Variants in FSIP2 observed in about 807,000 individuals in gnomAD.
FSIP2 encodes fibrous sheath interacting protein 2.
A neutral mutation model predicts 510.5 loss-of-function variants in FSIP2; 367 were observed. The observed-to-expected ratio is 0.72, with a 90% CI of 0.66 to 0.78. The LOEUF is 0.78. FSIP2 is among the 30% of genes least tolerant of loss of function. The pLI is 0.00. For synonymous variants in FSIP2, 2,601 were observed against 2,732.2 expected (o/e 0.95, Z 1.50); for missense variants, 7,594 against 7,901.7 (o/e 0.96, Z 1.48).
At chr2:185,739,068 A>T in intron 1 of FSIP2, 75 bp downstream of exon 1, 1 of 1,455,408 alleles carries the variant, frequency 6.9e-7, no homozygotes, top group Non-Finnish European at 9.1e-7. Flanking sequence ...AGGGATCGCC[A>T]CACACGGGTC....
At chr2:185,748,656 A>G (rs1380879381) in intron 7 of FSIP2, among the ~76,000 whole-genome samples, 2 of 152,070 alleles carry the variant, frequency 1.3e-5, no homozygotes, top group African/African-American at 4.8e-5. Flanking sequence ...ATTACTACCC[A>G]AAGAATGTTG....
intron 13 of FSIP2, chr2:185,766,281 C>A (rs1340690244): frequency 4.6e-5 from 7 of 150,916 alleles, no homozygotes; most frequent in African/African-American, 1.5e-4. Flanking sequence ...TCTAAAACAC[C>A]AAAAGCAATG....
rs1415735661 is a variant in FSIP2, at chr2:185,796,085, C to G, written c.8949C>G (p.Gly2983=). 2.6e-6 allele frequency: 4 copies of G among 1,532,796 alleles called. No homozygotes were observed. The South Asian group carries it at 4.8e-5, about 18-fold the overall frequency. 94.9% of individuals were successfully genotyped at this position (1,532,796 alleles called of 1,614,324 possible). ...NTKTKDQISV[G]SSNQIVQEIV... Reference sequence around the variant, plus strand: ...AGACAAAAGACCAAATTTCTGTGGGCTCCAGCAACCAAATTGTTCAAGAGA... The same window carrying G: ...AGACAAAAGACCAAATTTCTGTGGGGTCCAGCAACCAAATTGTTCAAGAGA... The change falls in exon 16 of 23, where the codon GGC becomes GGG. Residue 2983 remains glycine, a synonymous_variant. Transcript: ENST00000424728.
intron 7 of FSIP2, among the ~76,000 whole-genome samples, chr2:185,752,669 A>G (rs886472398): frequency 1.3e-5 from 2 of 151,110 alleles, no homozygotes; most frequent in African/African-American, 4.8e-5. Flanking sequence ...TTGCTTTTGG[A>G]CCTTGTTATG....
Position 185,789,283 on chromosome 2 carries a change from T to C in FSIP2, c.2147T>C (p.Met716Thr). 3 of 1,534,722 alleles carry C rather than the reference T, an allele frequency of 2.0e-6. No homozygotes were observed. Among genetic ancestry groups the C allele is most frequent in the East Asian group, 4.9e-5 (2 of 40,858 alleles). The part of the protein sequence containing the change: ...VILESILREI[M>T]SDLTQAIPSL... ...TTAGAAAGCATTTTGCGAGAAATAA[T>C]GTCTGATTTAACCCAGGCCATTCCC... Residue 716 changes from methionine to threonine, a missense_variant, in exon 16 of 23, where the codon ATG (methionine) becomes ACG (threonine). Transcript: ENST00000424728.
chr2:185,774,452 A>C (rs983363345), intron 13 of FSIP2, among the ~76,000 whole-genome samples: 1 of 152,150 alleles, frequency 6.6e-6, no homozygotes, highest in Non-Finnish European at 1.5e-5. Context: ...CAGAGAGTAC[A>C]TTATTGTGAT....
At chr2:185,774,325 T>C (rs1327302504) in intron 13 of FSIP2, among the ~76,000 whole-genome samples, 4 of 152,232 alleles carry the variant, frequency 2.6e-5, no homozygotes, top group Non-Finnish European at 5.9e-5. Context: ...AAAATCTTTG[T>C]ATAATTTCTA....
At chr2:185,780,671 G>A (rs890743678) in intron 13 of FSIP2, among the ~76,000 whole-genome samples, 1 of 151,674 alleles carries the variant, frequency 6.6e-6, no homozygotes, top group Non-Finnish European at 1.5e-5. Context: ...TATTGTTTTT[G>A]TTTCTGTTAA....
chr2:185,782,426 A>G (rs1692872648), intron 13 of FSIP2, among the ~76,000 whole-genome samples: 1 of 152,200 alleles, frequency 6.6e-6, no homozygotes, highest in African/African-American at 2.4e-5. Flanking sequence ...GAGAAGCATG[A>G]GAAACATGAT....
Position 185,799,900 on chromosome 2 carries a change from G to C in FSIP2, c.10594G>C (p.Glu3532Gln), listed in dbSNP as rs941610177. ...AAAAGAGAAAGCATGGGAAATTCAA[G>C]AAGCAACATTTAGCAAGATTATTTC... is the stretch of plus-strand genomic sequence containing the variant. Reference protein sequence around the residue: ...REKEKAWEIQEATFSKIISIH... With the variant: ...REKEKAWEIQQATFSKIISIH... Residue 3532 changes from glutamate (E) to glutamine (Q), a missense_variant, in exon 17 of 23, where the codon GAA (glutamate) becomes CAA (glutamine). Transcript: ENST00000424728. The C allele has an allele frequency of 6.5e-7, 1 of 1,533,650 alleles. No homozygotes were observed. The highest frequency in any genetic ancestry group is 8.7e-7 in the Non-Finnish European group (1 of 1,145,468).
chr2:185,805,881 G>T lies in FSIP2; in HGVS notation c.16575G>T (p.Val5525=), dbSNP rs1430992846. The T allele has an allele frequency of 6.2e-7, 1 of 1,608,566 alleles. No individual in the cohort carries two copies. The highest frequency in any genetic ancestry group is 8.5e-7 in the Non-Finnish European group (1 of 1,177,642). ...TNKKEVDENK[V]GICTQKHSEN... ...AAAAGGAAGTGGATGAAAATAAAGT[G>T]GGAATTTGTACTCAAAAACATAGTG... The change falls in exon 17 of 23, where the codon GTG becomes GTT. Residue 5525 remains valine (V), a synonymous_variant. Coordinates refer to ENST00000424728, the MANE Select transcript of FSIP2 (RefSeq NM_173651.4).
intron 19 of FSIP2, among the ~76,000 whole-genome samples, 174 bp from the exon 20 acceptor site, chr2:185,824,260 A>C (rs529980496): frequency 1.3e-5 from 2 of 152,054 alleles, no homozygotes; most frequent in African/African-American, 4.8e-5. Context: ...CCACAATTTT[A>C]AAAGTAGGGG....
chr2:185,782,203 C>T (rs1692866394), intron 13 of FSIP2, among the ~76,000 whole-genome samples: 1 of 152,106 alleles, frequency 6.6e-6, no homozygotes, highest in Non-Finnish European at 1.5e-5. Flanking sequence ...ATCAGGTGTA[C>T]ACAAGAGTAA....
Position 185,801,465 on chromosome 2 carries a change from T to C in FSIP2, c.12159T>C (p.Asp4053=), listed in dbSNP as rs1008352934. 1.3e-6 allele frequency: 2 copies of C among 1,533,932 alleles called. No homozygotes were observed. The highest frequency in any genetic ancestry group is 1.7e-6 in the Non-Finnish European group (2 of 1,145,486). ...AAATTGTTGACTCAGTTTATTATGA[T>C]GTTTTACAGCAGTATGAATTAAAAG... The part of the protein sequence containing the change: ...VSKIVDSVYY[D]VLQQYELKVA... Residue 4053 remains aspartate, a synonymous_variant, in exon 17 of 23, where the codon GAT becomes GAC. Transcript: ENST00000424728.
rs764598928 is a variant in FSIP2 at position 185,802,326 on chromosome 2, C to T, written c.13020C>T (p.Asn4340=). The change falls in exon 17 of 23, where the codon AAC becomes AAT. Residue 4340 remains asparagine (N), a synonymous_variant. Transcript: ENST00000424728. ...AAAACATGACCCAAAGAATAGTAAA[C>T]TCCATAAATAGGCATTTCAATAAAG... ...ELKNMTQRIV[N]SINRHFNKAK... The T allele has an allele frequency of 6.5e-6, 10 of 1,533,702 alleles. No individual in the cohort carries two copies. Among genetic ancestry groups the T allele is most frequent in the Non-Finnish European group, 8.7e-6 (10 of 1,145,332 alleles).
Position 185,802,209 on chromosome 2 carries a change from A to G in FSIP2, c.12903A>G (p.Leu4301=), listed in dbSNP as rs1693456148. 1 of 1,533,570 alleles carries G rather than the reference A, an allele frequency of 6.5e-7. No homozygotes were observed. The allele number at this position is 1,533,570 out of a possible 1,614,324, so 95.0% of individuals were successfully genotyped here. ...ESHRPQKQSP[L]DIHLDSFVRE... Reference sequence around the variant, plus strand: ...ACAGACCTCAGAAGCAATCACCTTTAGATATTCACCTTGATTCATTTGTAA... The same window carrying G: ...ACAGACCTCAGAAGCAATCACCTTTGGATATTCACCTTGATTCATTTGTAA... Residue 4301 remains leucine, a synonymous_variant, in exon 17 of 23, where the codon TTA becomes TTG. Coordinates refer to ENST00000424728, the MANE Select transcript of FSIP2 (RefSeq NM_173651.4).
chr2:185,739,951 T>G (rs1404121128), intron 2 of FSIP2, among the ~76,000 whole-genome samples: 2 of 152,096 alleles, frequency 1.3e-5, no homozygotes, highest in African/African-American at 4.8e-5. Flanking sequence ...ACAGTGGGAC[T>G]TAAAATGAGT....
Position 185,804,863 on chromosome 2 carries a change from C to T in FSIP2, c.15557C>T (p.Pro5186Leu). The T allele has an allele frequency of 6.6e-7, 1 of 1,524,168 alleles. No homozygotes were observed. The highest frequency in any genetic ancestry group is 8.8e-7 in the Non-Finnish European group (1 of 1,142,168). 94.4% of individuals were successfully genotyped at this position (1,524,168 alleles called of 1,614,324 possible). Reference protein sequence around the residue: ...EDNAESMQLEPIENLVDSICN... With the variant: ...EDNAESMQLELIENLVDSICN... ...AATGCAGAAAGTATGCAGTTAGAAC[C>T]TATTGAAAATTTGGTCGACTCCATA... The change falls in exon 17 of 23, where the codon CCT becomes CTT. Residue 5186 changes from proline to leucine, a missense_variant. Coordinates refer to ENST00000424728, the MANE Select transcript of FSIP2 (RefSeq NM_173651.4).
intron 15 of FSIP2, among the ~76,000 whole-genome samples, chr2:185,786,677 G>C (rs1307322661): frequency 6.6e-6 from 1 of 151,804 alleles, no homozygotes; most frequent in Non-Finnish European, 1.5e-5. Flanking sequence ...GCTTGGATCT[G>C]TCTTCAGTAG....
Sources: gnomAD v4.1 joint callset for allele counts (sites outside exome capture counted in the v4.1 genomes callset) on GRCh38, gnomAD v4.1.1 for gene constraint, MANE v1.5 for transcripts, NCBI Gene and HGNC (gene_info 2026-07-23, HGNC 2026-07-21) for gene names.